Variants in TENM2 observed in about 807,000 individuals in gnomAD.
The protein encoded by TENM2 is teneurin-2.
In TENM2, 52 loss-of-function variants were observed where a neutral mutation model predicts 245.2. That is an observed-to-expected ratio of 0.21 (90% confidence interval 0.17 to 0.27). The LOEUF (loss-of-function observed/expected upper bound fraction) is 0.27, where lower values mean the gene tolerates loss of function less well. TENM2 is among the 10% of genes least tolerant of loss of function. The probability of loss-of-function intolerance (pLI) is 1.00; values close to 1 mark genes in which losing one functional copy is unlikely to be tolerated. For synonymous variants in TENM2, 1,363 were observed against 1,438.9 expected (o/e 0.95, Z 1.19); for missense variants, 3,046 against 3,666.8 (o/e 0.83, Z 4.37).
intron 2 of TENM2, among the ~76,000 whole-genome samples, chr5:167,852,483 TAGC>T (rs1170889771): frequency 6.6e-6 from 1 of 152,242 alleles, no homozygotes; most frequent in Non-Finnish European, 1.5e-5. Context: ...TAGCATCTTT[TAGC>T]TGTAAATTGT....
intron 12 of TENM2, among the ~76,000 whole-genome samples, chr5:168,144,193 A>G (rs1229405604): frequency 6.7e-6 from 1 of 149,486 alleles, no homozygotes. Flanking sequence ...TTTTTTTATT[A>G]TTATACTTTA....
At position 167,907,088 on chromosome 5, in the gene TENM2, C is replaced by T. The variant is rs574792793; in HGVS notation, c.712+30893C>T. ...TCTCTACTAAAAATACAAAATTAGC[C>T]GGGTGTGGTGGCGCATGCCTGTAAT... On this transcript the variant is annotated intron_variant, in intron 3 of 28. Transcript: ENST00000518659. Among the ~76,000 whole-genome samples the T allele has an allele frequency of 7.9e-5, 12 of 151,996 alleles. No homozygotes were observed. In the South Asian group the frequency reaches 2.5e-3, roughly 32 times the overall value.
the TENM2 span, among the ~76,000 whole-genome samples, chr5:167,261,966 C>T: frequency 6.6e-6 from 1 of 152,182 alleles, no homozygotes; most frequent in Non-Finnish European, 1.5e-5. Context: ...CTCCAAGGCT[C>T]ATGAGCTGTT....
At chr5:167,462,950 A>G (rs1176280041) in intron 2 of TENM2, among the ~76,000 whole-genome samples, 2 of 152,012 alleles carry the variant, frequency 1.3e-5, no homozygotes, top group Non-Finnish European at 2.9e-5. Flanking sequence ...GTAAATGACA[A>G]ATGCAATGAA....
chr5:167,461,066 A>G (rs1429936579), intron 2 of TENM2, among the ~76,000 whole-genome samples: 1 of 152,204 alleles, frequency 6.6e-6, no homozygotes, highest in Non-Finnish European at 1.5e-5. Context: ...GGGACTCACT[A>G]TAGCGCCATA....
intron 8 of TENM2, among the ~76,000 whole-genome samples, chr5:168,095,618 C>G (rs1793301398): frequency 6.6e-6 from 1 of 152,078 alleles, no homozygotes; most frequent in South Asian, 2.1e-4. Context: ...TTGTGCAAAG[C>G]TTTATGAGGG....
At chr5:167,577,800 A>G (rs1347923195) in intron 2 of TENM2, among the ~76,000 whole-genome samples, 1 of 152,298 alleles carries the variant, frequency 6.6e-6, no homozygotes, top group African/African-American at 2.4e-5. Context: ...CAACAACAAA[A>G]GATGCCTCTC....
At chr5:168,171,089 A>G (rs561367905) in intron 13 of TENM2, among the ~76,000 whole-genome samples, 2 of 152,336 alleles carry the variant, frequency 1.3e-5, no homozygotes, top group Non-Finnish European at 2.9e-5. Flanking sequence ...GGCACATTGT[A>G]TCACTGGCTC....
At position 168,095,460 on chromosome 5, in the gene TENM2, C is replaced by G. The variant is rs553219647; in HGVS notation, c.1712-2566C>G. ...GTTTCAGCTTATCCTTCAGAGTCACCTGCATAGAGTAGAGAGGCCCTCCCT... is the reference window on the plus strand; with the variant it reads ...GTTTCAGCTTATCCTTCAGAGTCACGTGCATAGAGTAGAGAGGCCCTCCCT... On this transcript the variant is annotated intron_variant, in intron 8 of 28. Transcript: ENST00000518659. Among the ~76,000 whole-genome samples the G allele has an allele frequency of 3.3e-5, 5 of 152,352 alleles. No individual in the cohort carries two copies. In the East Asian group the frequency reaches 9.6e-4, roughly 29 times the overall value.
chr5:166,989,426 A>C, the TENM2 span, among the ~76,000 whole-genome samples: 1 of 151,552 alleles, frequency 6.6e-6, no homozygotes, highest in South Asian at 2.1e-4. Context: ...TGCCCAGCTA[A>C]TTTTTGTATT....
intron 2 of TENM2, among the ~76,000 whole-genome samples, chr5:167,680,651 C>T (rs73801349): frequency 1.8e-3 from 278 of 152,210 alleles, no homozygotes; most frequent in African/African-American, 6.1e-3. Context: ...AGATGAGAGA[C>T]GACGGTGGCC....
chr5:167,239,965 G>A, the TENM2 span, among the ~76,000 whole-genome samples: 45 of 152,106 alleles, frequency 3.0e-4, no homozygotes, highest in African/African-American at 9.9e-4. Context: ...GTAGAGACAG[G>A]GTTCTTCCAT....
intron 2 of TENM2, among the ~76,000 whole-genome samples, chr5:167,636,811 T>G (rs1779234472): frequency 6.6e-6 from 1 of 152,232 alleles, no homozygotes; most frequent in Admixed American, 6.5e-5. Context: ...TTTAAAATAA[T>G]TGTATTGTAC....
the TENM2 span, among the ~76,000 whole-genome samples, chr5:167,018,324 A>G: frequency 6.6e-6 from 1 of 152,144 alleles, no homozygotes; most frequent in African/African-American, 2.4e-5. Context: ...GATTCAGGCA[A>G]CAATAAAGCT....
the TENM2 span, among the ~76,000 whole-genome samples, chr5:167,083,819 A>G: frequency 1.4e-3 from 217 of 152,310 alleles, 1 homozygote; most frequent in African/African-American, 4.9e-3. Context: ...CAAAAAGATT[A>G]TGCCTCTGCA....
At chr5:167,698,206 G>C (rs1208483309) in intron 2 of TENM2, among the ~76,000 whole-genome samples, 1 of 152,184 alleles carries the variant, frequency 6.6e-6, no homozygotes, top group East Asian at 1.9e-4. Flanking sequence ...TAACTCCCTG[G>C]TTGTTTTTAC....
intron 2 of TENM2, among the ~76,000 whole-genome samples, chr5:167,616,182 C>T (rs113626726): frequency 3.2e-4 from 49 of 152,250 alleles, no homozygotes; most frequent in African/African-American, 1.2e-3. Flanking sequence ...GTTGTTGCTT[C>T]ACCAGATATG....
the TENM2 span, among the ~76,000 whole-genome samples, chr5:167,191,792 T>G: frequency 6.6e-6 from 1 of 151,954 alleles, no homozygotes. Flanking sequence ...GGCAATTTTT[T>G]TAGGTGTGCT....
the TENM2 span, among the ~76,000 whole-genome samples, chr5:167,021,625 T>C: frequency 6.6e-6 from 1 of 152,260 alleles, no homozygotes; most frequent in African/African-American, 2.4e-5. Context: ...ATATAGCAGA[T>C]CTTTGTTCAT....
Sources: allele counts gnomAD v4.1 joint callset (sites outside exome capture counted in the v4.1 genomes callset), GRCh38; gene constraint gnomAD v4.1.1; transcripts MANE v1.5; gene names NCBI Gene and HGNC (gene_info 2026-07-23, HGNC 2026-07-21).